The following PLEKHH2 variants were observed in gnomAD, a reference collection of about 807,000 sequenced individuals.
PLEKHH2 encodes the protein pleckstrin homology domain-containing family H member 2.
A neutral mutation model predicts 187.9 loss-of-function variants in PLEKHH2; 129 were observed. That is an observed-to-expected ratio of 0.69 (90% CI 0.59 to 0.79). The LOEUF (loss-of-function observed/expected upper bound fraction) is 0.79. Among genes scored for constraint, PLEKHH2 ranks in the 30% least tolerant of loss-of-function variants. PLEKHH2 has a pLI of 0.00. For synonymous variants in PLEKHH2, 686 were observed against 605.6 expected, an observed-to-expected ratio of 1.13 and a Z score of -1.95; for missense variants, 2,076 against 1,751.2, an observed-to-expected ratio of 1.19 and a Z score of -3.31.
At chr2:43,735,316 C>G (rs902578249) in intron 19 of PLEKHH2, among the ~76,000 whole-genome samples, 9 of 152,026 alleles carry the variant, frequency 5.9e-5, no homozygotes, top group Non-Finnish European at 1.5e-5. Flanking sequence ...TAAAATAAGC[C>G]AAGCACAGAA....
intron 1 of PLEKHH2, among the ~76,000 whole-genome samples, chr2:43,640,869 C>T (rs1020205662): frequency 5.9e-5 from 9 of 151,502 alleles, no homozygotes; most frequent in East Asian, 1.9e-4. Flanking sequence ...ACTGCAGCTT[C>T]GACCTCCTGG....
chr2:43,643,116 T>C (rs1024050206), intron 1 of PLEKHH2, among the ~76,000 whole-genome samples: 2 of 152,146 alleles, frequency 1.3e-5, no homozygotes, highest in Non-Finnish European at 2.9e-5. Flanking sequence ...AACTGCATTA[T>C]CTACTCCTAA....
At chr2:43,646,820 T>C (rs1238348162) in intron 2 of PLEKHH2, among the ~76,000 whole-genome samples, 5 of 143,872 alleles carry the variant, frequency 3.5e-5, no homozygotes, top group East Asian at 2.0e-4. Flanking sequence ...TTTCTTCTTC[T>C]TTTTTTTTTT....
At chr2:43,751,067 T>C (rs1671991128) in intron 24 of PLEKHH2, among the ~76,000 whole-genome samples, 1 of 152,234 alleles carries the variant, frequency 6.6e-6, no homozygotes, top group South Asian at 2.1e-4. Flanking sequence ...TCAGGTACCC[T>C]GTATGTGAAA....
In PLEKHH2 at chr2:43,753,697, C is replaced by A. The variant is rs1572663836; in HGVS notation, c.3732C>A (p.Ile1244=). Residue 1244 remains isoleucine (I), a synonymous_variant, in exon 25 of 30, where the codon ATC becomes ATA. Transcript: ENST00000282406. Reference sequence around the variant, plus strand: ...TAATGTATCAGACAAATGATCAAATCATAAATGGACTTTTTCCTCTGAACA... The same window carrying A: ...TAATGTATCAGACAAATGATCAAATAATAAATGGACTTTTTCCTCTGAACA... ...LLLMYQTNDQ[I]INGLFPLNKD... 4 of 1,583,754 alleles carry A rather than the reference C, an allele frequency of 2.5e-6. No individual in the cohort carries two copies. The highest frequency in any genetic ancestry group is 1.7e-4 in the Middle Eastern group (1 of 5,988).
At chr2:43,657,530 A>ACATCT (rs1402249225) in intron 2 of PLEKHH2, among the ~76,000 whole-genome samples, 9 of 152,138 alleles carry the variant, frequency 5.9e-5, no homozygotes, top group Non-Finnish European at 1.3e-4. Flanking sequence ...GCATTCTAAC[A>ACATCT]ACCAAAGCCC....
chr2:43,656,873 GC>G (rs1221744968), intron 2 of PLEKHH2, among the ~76,000 whole-genome samples: 1 of 152,134 alleles, frequency 6.6e-6, no homozygotes, highest in Non-Finnish European at 1.5e-5. Context: ...CAAAAAATTA[GC>G]CAGGCATGGT....
Position 43,685,094 on chromosome 2 carries a change from G to A in PLEKHH2, c.186+6169G>A, listed in dbSNP as rs147417508. On this transcript the variant is annotated intron_variant, in intron 3 of 29. Coordinates refer to ENST00000282406, the MANE Select transcript of PLEKHH2 (RefSeq NM_172069.4). ...ATAACTTAGAGTAACTGAATCCTTC[G>A]CCATCTTTAACAATTTCCATGGGAC... 4.4e-3 allele frequency among the ~76,000 whole-genome samples: 674 copies of A among 152,128 alleles called. 5 individuals carry two copies. The highest frequency in any genetic ancestry group is 0.015 in the African/African-American group (622 of 41,494).
intron 16 of PLEKHH2, among the ~76,000 whole-genome samples, chr2:43,723,389 C>T (rs1004015306): frequency 6.6e-6 from 1 of 152,144 alleles, no homozygotes; most frequent in African/African-American, 2.4e-5. Context: ...AACACTTATA[C>T]ACCAAACTGG....
chr2:43,640,437 T>G (rs1031118169), intron 1 of PLEKHH2, among the ~76,000 whole-genome samples: 2 of 152,142 alleles, frequency 1.3e-5, no homozygotes, highest in Admixed American at 1.3e-4. Flanking sequence ...AGATGAATTC[T>G]CCAACCTCAG....
At chr2:43,699,605 A>G in intron 7 of PLEKHH2, 42 bp from the exon 8 acceptor site, 1 of 1,567,924 alleles carries the variant, frequency 6.4e-7, no homozygotes, top group East Asian at 2.2e-5. Context: ...GAAAGATTAT[A>G]TTCTTAAAGG....
At chr2:43,711,958 C>A in intron 14 of PLEKHH2, 2 of 1,126,070 alleles carry the variant, frequency 1.8e-6, no homozygotes, top group Non-Finnish European at 2.2e-6. Flanking sequence ...GAAAATGTGA[C>A]AAATAAACAA....
intron 27 of PLEKHH2, among the ~76,000 whole-genome samples, chr2:43,759,588 A>T (rs1175006309): frequency 6.6e-6 from 1 of 152,160 alleles, no homozygotes; most frequent in African/African-American, 2.4e-5. Context: ...GGGAAAAATT[A>T]TGCCTTTTGA....
chr2:43,645,911 A>G (rs946540791), intron 2 of PLEKHH2, among the ~76,000 whole-genome samples: 2 of 152,158 alleles, frequency 1.3e-5, no homozygotes, highest in East Asian at 3.8e-4. Flanking sequence ...TACATGTATC[A>G]TATCTCCAAA....
At chr2:43,653,817 T>C (rs957135898) in intron 2 of PLEKHH2, among the ~76,000 whole-genome samples, 1 of 151,412 alleles carries the variant, frequency 6.6e-6, no homozygotes, top group Admixed American at 6.6e-5. Flanking sequence ...ATAAAAGACA[T>C]TTAACTCTAG....
intron 24 of PLEKHH2, 57 bp downstream of exon 24, chr2:43,746,020 G>A (rs1043374382): frequency 1.8e-6 from 2 of 1,115,082 alleles, no homozygotes; most frequent in Non-Finnish European, 2.6e-6. Context: ...TTCTAATAAT[G>A]CACCTACTAT....
chr2:43,678,563 A>G (rs1437988104), intron 2 of PLEKHH2, among the ~76,000 whole-genome samples: 1 of 152,122 alleles, frequency 6.6e-6, no homozygotes, highest in Non-Finnish European at 1.5e-5. Context: ...TACGAAAACC[A>G]GTCAGGCGTG....
intron 2 of PLEKHH2, among the ~76,000 whole-genome samples, chr2:43,648,474 G>GC: frequency 6.8e-6 from 1 of 146,564 alleles, no homozygotes; most frequent in East Asian, 2.1e-4. Flanking sequence ...GGCGTGAGCT[G>GC]CTGTGCCCAG....
At chr2:43,755,018 A>G (rs1672161256) in intron 25 of PLEKHH2, among the ~76,000 whole-genome samples, 1 of 151,572 alleles carries the variant, frequency 6.6e-6, no homozygotes, top group East Asian at 1.9e-4. Flanking sequence ...AATTATAGGC[A>G]CTCACCACCA....
Sources: allele counts gnomAD v4.1 joint callset (sites outside exome capture counted in the v4.1 genomes callset), GRCh38; gene constraint gnomAD v4.1.1; transcripts MANE v1.5; gene names NCBI Gene and HGNC (gene_info 2026-07-23, HGNC 2026-07-21).